MYO10: variants seen among roughly 807,000 people sequenced by gnomAD.
MYO10 encodes unconventional myosin-X.
A neutral mutation model predicts 257.3 loss-of-function variants in MYO10; 133 were observed. The ratio of observed to expected loss-of-function variants is 0.52; its 90% CI spans 0.45 to 0.60. The LOEUF is 0.60. MYO10 is among the 20% of genes least tolerant of loss of function. The probability of loss-of-function intolerance (pLI) is 0.00; values close to 1 mark genes in which losing one functional copy is unlikely to be tolerated. For synonymous variants in MYO10, 1,104 were observed against 1,028.6 expected (o/e 1.07, Z -1.40); for missense variants, 2,399 against 2,635.7 (o/e 0.91, Z 1.97).
At chr5:16,838,621 A>T (rs1743383099) in intron 2 of MYO10, among the ~76,000 whole-genome samples, 1 of 152,210 alleles carries the variant, frequency 6.6e-6, no homozygotes, top group Non-Finnish European at 1.5e-5. Flanking sequence ...TCTAAATAAG[A>T]TCATTGATGA....
intron 19 of MYO10, among the ~76,000 whole-genome samples, chr5:16,747,918 CAAAAAA>C (rs777257950): frequency 1.3e-4 from 4 of 30,532 alleles, no homozygotes; most frequent in East Asian, 4.5e-3. Context: ...AACTCCGTCT[CAAAAAA>C]AAAAAAAAAA....
chr5:16,807,949 CT>C (rs1333996477), intron 3 of MYO10, among the ~76,000 whole-genome samples: 2 of 152,214 alleles, frequency 1.3e-5, no homozygotes, highest in African/African-American at 2.4e-5. Context: ...TTTACTCAGT[CT>C]TTCAACAAGC....
intron 2 of MYO10, among the ~76,000 whole-genome samples, chr5:16,875,877 G>A (rs150934000): frequency 1.3e-5 from 2 of 152,270 alleles, no homozygotes; most frequent in East Asian, 3.9e-4. Flanking sequence ...GGAGGCCAAG[G>A]TGGGCAGATC....
intron 2 of MYO10, among the ~76,000 whole-genome samples, chr5:16,819,368 G>A (rs1742733025): frequency 6.6e-6 from 1 of 152,068 alleles, no homozygotes; most frequent in Non-Finnish European, 1.5e-5. Flanking sequence ...AAGTGATTTG[G>A]TTCAGGATTA....
chr5:16,802,655 T>TAAAAA (rs372258804), intron 3 of MYO10, among the ~76,000 whole-genome samples: 2 of 100,900 alleles, frequency 2.0e-5, no homozygotes, highest in Middle Eastern at 5.9e-3. Flanking sequence ...AGACTGTCTC[T>TAAAAA]AAAAAAAAAA....
chr5:16,880,435 C>A (rs17708008), intron 1 of MYO10, among the ~76,000 whole-genome samples: 2,515 of 151,780 alleles, frequency 0.017, 119 homozygotes, highest in East Asian at 0.15. Flanking sequence ...TCCTAGTATC[C>A]CCTATTGTGA....
chr5:16,922,185 G>A (rs249121), intron 1 of MYO10, among the ~76,000 whole-genome samples: 38,432 of 150,546 alleles, frequency 0.26, 5,310 homozygotes, highest in East Asian at 0.49. Flanking sequence ...CTGCACTCCA[G>A]CCTGGGTGAC....
chr5:16,828,864 ACAC>A (rs1304471101), intron 2 of MYO10, among the ~76,000 whole-genome samples: 1 of 152,098 alleles, frequency 6.6e-6, no homozygotes, highest in African/African-American at 2.4e-5. Context: ...CTACAGGTGC[ACAC>A]CACCATGCCC....
intron 9 of MYO10, among the ~76,000 whole-genome samples, chr5:16,778,225 T>C (rs969036643): frequency 6.6e-6 from 1 of 152,002 alleles, no homozygotes; most frequent in African/African-American, 2.4e-5. Flanking sequence ...CCAGGCCCGA[T>C]TGGGTGGGGC....
rs539711647 is a variant in MYO10, at chr5:16,701,804, G to T, written c.2591C>A (p.Ala864Asp). 16 of 1,608,594 alleles carry T rather than the reference G, an allele frequency of 9.9e-6. No homozygotes were observed. Among genetic ancestry groups the T allele is most frequent in the East Asian group, 2.2e-5 (1 of 44,832 alleles). ...EETRKQQELE[A>D]LQKSQKEAEL... ...AGCTTCCTTCTGGCTCTTCTGCAAG[G>T]CTTCGAGTTCTTGCTGCTTCCTCGT... Residue 864 changes from alanine to aspartate, a missense_variant, in exon 25 of 41, where the codon GCC becomes GAC. Coordinates refer to ENST00000513610, the MANE Select transcript of MYO10 (RefSeq NM_012334.3). The surrounding 1 kb of genome is among the most constrained non-coding windows in gnomAD (Gnocchi z 8.1).
chr5:16,855,363 G>A lies in MYO10; in HGVS notation c.120+22246C>T, dbSNP rs552793250. The stretch of plus-strand genomic sequence containing the variant: ...GATGCTGAAGTCTACACTCGCTGGT[G>A]CTACCTCCAAACATCCATGAGGCCC... On this transcript the variant is annotated intron_variant, in intron 2 of 40. Coordinates refer to ENST00000513610, the MANE Select transcript of MYO10 (RefSeq NM_012334.3). Among the ~76,000 whole-genome samples, 3 of 152,236 alleles carry A rather than the reference G, an allele frequency of 2.0e-5. No individual in the cohort carries two copies. In the South Asian group the frequency reaches 6.2e-4, roughly 32 times the overall value.
At chr5:16,718,599 C>T (rs1160468488) in intron 19 of MYO10, among the ~76,000 whole-genome samples, 7 of 149,710 alleles carry the variant, frequency 4.7e-5, no homozygotes, top group African/African-American at 1.7e-4. Context: ...CACCAATCGG[C>T]ACTCTGTATC....
Position 16,788,274 on chromosome 5 carries a change from G to C in MYO10, c.468-4805C>G, listed in dbSNP as rs538581435. Among the ~76,000 whole-genome samples, 358 of 152,268 alleles carry C rather than the reference G, an allele frequency of 2.4e-3. 1 individual carries two copies. Among genetic ancestry groups the C allele is most frequent in the Non-Finnish European group, 4.1e-3 (279 of 68,016 alleles). On this transcript the variant is annotated intron_variant, in intron 4 of 40. Transcript: ENST00000513610. ...GGCCTGGCCAGGGGGTGGGCAGCAA[G>C]TGACAGGGAGGCATCAGGGATGACT...
intron 19 of MYO10, among the ~76,000 whole-genome samples, chr5:16,723,174 G>GAGGTCAA (rs1739221694): frequency 6.8e-6 from 1 of 147,854 alleles, no homozygotes; most frequent in Non-Finnish European, 1.5e-5. Flanking sequence ...CATGAGGTCA[G>GAGGTCAA]GAGATCGAGA....
intron 1 of MYO10, among the ~76,000 whole-genome samples, chr5:16,886,944 A>C (rs1289849107): frequency 2.0e-5 from 3 of 152,006 alleles, no homozygotes; most frequent in Non-Finnish European, 4.4e-5. Context: ...AAAAAAAAAA[A>C]AAAAACAAAG....
intron 2 of MYO10, among the ~76,000 whole-genome samples, chr5:16,825,041 T>C (rs74429094): frequency 0.01 from 1,543 of 152,250 alleles, 22 homozygotes; most frequent in African/African-American, 0.035. Context: ...TTGGAGACTG[T>C]TTACATTTTT....
chr5:16,877,715 C>A lies in MYO10; in HGVS notation c.22-8G>T. 6.2e-7 allele frequency: 1 copy of A among 1,605,760 alleles called. No individual in the cohort carries two copies. On this transcript the variant is annotated splice_region_variant and splice_polypyrimidine_tract_variant and intron_variant, in intron 1 of 40. Coordinates refer to ENST00000513610, the MANE Select transcript of MYO10 (RefSeq NM_012334.3). Reference sequence around the variant, plus strand: ...CAGCCAGACCCGTGTTCCCTGTAAACAAAACAAACAAGACTGAACTGAGTT... The same window carrying A: ...CAGCCAGACCCGTGTTCCCTGTAAAAAAAACAAACAAGACTGAACTGAGTT...
chr5:16,683,738 T>A, intron 30 of MYO10, 142 bp downstream of exon 30: 1 of 735,632 alleles, frequency 1.4e-6, no homozygotes, highest in Admixed American at 2.5e-5. Flanking sequence ...GAAGACTGGA[T>A]TGCTGGGGTT....
At chr5:16,811,080 A>AAC (rs1742424697) in intron 3 of MYO10, among the ~76,000 whole-genome samples, 1 of 151,822 alleles carries the variant, frequency 6.6e-6, no homozygotes, top group Admixed American at 6.6e-5. Context: ...AAAAAAAAAA[A>AAC]AAAAACAAAA....
Sources: gnomAD v4.1 joint callset for allele counts (sites outside exome capture counted in the v4.1 genomes callset) on GRCh38, gnomAD v4.1.1 for gene constraint, Gnocchi (gnomAD v3.1) non-coding constraint, MANE v1.5 for transcripts, NCBI Gene and HGNC (gene_info 2026-07-23, HGNC 2026-07-21) for gene names.